Variants in STRA6 observed in about 807,000 individuals in gnomAD.
STRA6 encodes signaling receptor and transporter of retinol STRA6.
Under a neutral mutation model 83.6 loss-of-function variants are expected in STRA6, and 48 were observed. The observed-to-expected ratio is 0.57, with a 90% confidence interval of 0.46 to 0.73. The LOEUF is 0.73. Ranked by LOEUF, STRA6 falls within the 30% of genes least tolerant of loss-of-function variation. The pLI, the probability that STRA6 is intolerant of heterozygous loss-of-function variation, is 0.00. For synonymous variants in STRA6, 353 were observed against 362.3 expected, an observed-to-expected ratio of 0.97 and a Z score of 0.29; for missense variants, 760 against 838.8, an observed-to-expected ratio of 0.91 and a Z score of 1.16.
intron 8 of STRA6, among the ~76,000 whole-genome samples, chr15:74,192,261 T>A (rs1265708903): frequency 6.6e-6 from 1 of 151,740 alleles, no homozygotes; most frequent in Non-Finnish European, 1.5e-5. Flanking sequence ...GAAGAGAAGG[T>A]AAAGGGGCAT....
Position 74,195,421 on chromosome 15 carries a change from G to A in STRA6, c.478C>T (p.Pro160Ser). 6.2e-7 allele frequency: 1 copy of A among 1,613,736 alleles called. No homozygotes were observed. The highest frequency in any genetic ancestry group is 2.2e-5 in the East Asian group (1 of 44,866). The change falls in exon 7 of 19, where the codon CCT (proline) becomes TCT (serine). Residue 160 changes from proline (P) to serine (S), a missense_variant. By Grantham distance (74) the Pro-to-Ser change is moderately conservative. Coordinates refer to ENST00000395105, the MANE Select transcript of STRA6 (RefSeq NM_022369.4). ...GLFYYAALYY[P>S]LAACATAGHT... ...CCAGCCGTGGCACAGGCAGCCAGAGGGTAGTAGAGGGCAGCATAATAGAAC... is the reference window on the plus strand; with the variant it reads ...CCAGCCGTGGCACAGGCAGCCAGAGAGTAGTAGAGGGCAGCATAATAGAAC...
chr15:74,191,405 G>C lies in STRA6; in HGVS notation c.788+19C>G. The C allele has an allele frequency of 1.2e-6, 2 of 1,613,578 alleles. No homozygotes were observed. The highest frequency in any genetic ancestry group is 2.2e-5 in the South Asian group (2 of 91,074). On this transcript the variant is annotated intron_variant, in intron 9 of 18. Coordinates refer to ENST00000395105, the MANE Select transcript of STRA6 (RefSeq NM_022369.4). ...CAGCCCAATCCATTGGCCCACAAAG[G>C]GTGTGTCAGAGACCCCACCTGCTTC...
At chr15:74,202,457 C>T (rs1346876990) in intron 1 of STRA6, 175 bp from the exon 2 acceptor site, 1 of 1,536,170 alleles carries the variant, frequency 6.5e-7, no homozygotes, top group Non-Finnish European at 8.7e-7. Context: ...GACTGAGGGC[C>T]TGAGCAAGCT....
chr15:74,183,438 G>A, intron 14 of STRA6: 1 of 933,992 alleles, frequency 1.1e-6, no homozygotes, highest in Non-Finnish European at 1.4e-6. Context: ...TAGAGACGGG[G>A]TCTCACCATG....
intron 1 of STRA6, 22 bp from the exon 2 acceptor site, chr15:74,202,304 A>G: frequency 2.6e-6 from 4 of 1,564,398 alleles, no homozygotes; most frequent in Non-Finnish European, 3.4e-6. Flanking sequence ...GGCGAGAGAA[A>G]AAAAAAGCCA....
chr15:74,184,267 G>A (rs563535254), intron 13 of STRA6, among the ~76,000 whole-genome samples: 122 of 152,320 alleles, frequency 8.0e-4, no homozygotes, highest in Admixed American at 1.6e-3. Context: ...AGTGAGAATG[G>A]AAGTGACACA....
intron 2 of STRA6, among the ~76,000 whole-genome samples, chr15:74,200,907 C>T (rs188187150): frequency 3.4e-4 from 52 of 152,340 alleles, no homozygotes; most frequent in African/African-American, 1.1e-3. Flanking sequence ...CCAGCCAGTG[C>T]CCAGGCCCTG....
intron 8 of STRA6, among the ~76,000 whole-genome samples, chr15:74,192,183 T>C (rs959593172): frequency 2.0e-5 from 3 of 152,036 alleles, no homozygotes; most frequent in African/African-American, 7.3e-5. Flanking sequence ...CCAAAGAGGA[T>C]TGTACACCTC....
intron 1 of STRA6, chr15:74,208,681 A>T (rs1374031458): frequency 3.0e-6 from 3 of 983,890 alleles, no homozygotes; most frequent in Non-Finnish European, 3.6e-6. Flanking sequence ...CACTCTGCTC[A>T]CTTCCTGCCC....
upstream of STRA6, among the ~76,000 whole-genome samples, chr15:74,211,815 A>C (rs1256747706): frequency 6.6e-6 from 1 of 150,530 alleles, no homozygotes; most frequent in East Asian, 2.0e-4. Context: ...TCTGTGTCTG[A>C]CTCAGTCTCC....
chr15:74,203,877 G>A (rs968230260), upstream of STRA6, among the ~76,000 whole-genome samples: 1 of 152,038 alleles, frequency 6.6e-6, no homozygotes, highest in African/African-American at 2.4e-5. Context: ...GGGAAAGTCC[G>A]CTGAGCAGAG....
intron 7 of STRA6, chr15:74,194,986 T>C: frequency 7.0e-7 from 1 of 1,433,014 alleles, no homozygotes; most frequent in Non-Finnish European, 9.1e-7. Flanking sequence ...AAAGGGAAGC[T>C]GGGGGATCAC....
At chr15:74,181,202 C>T in intron 17 of STRA6, 93 bp downstream of exon 17, 2 of 1,556,090 alleles carry the variant, frequency 1.3e-6, no homozygotes, top group East Asian at 2.3e-5. Context: ...TCGGTGTGAA[C>T]TGATCAGCTG....
intron 7 of STRA6, chr15:74,194,909 A>T: frequency 7.0e-7 from 1 of 1,421,394 alleles, no homozygotes; most frequent in East Asian, 2.5e-5. Flanking sequence ...GCCCTCTTAG[A>T]CCATCCCTGA....
In STRA6 at chr15:74,180,216, G is replaced by A. The variant is rs946741972; in HGVS notation, c.1868C>T (p.Ser623Phe). The change falls in exon 19 of 19, where the codon TCC (serine) becomes TTC (phenylalanine). Residue 623 changes from serine (S) to phenylalanine (F), a missense_variant. Coordinates refer to ENST00000395105, the MANE Select transcript of STRA6 (RefSeq NM_022369.4). The stretch of plus-strand genomic sequence containing the variant: ...CCCGGGCCTAGCTCCCTTGGCCATG[G>A]AGTCCTTTGTCTGTAGCAGCTGCAT... ...EGMQLLQTKDSMAKGARPGAS... is the reference protein window; with the variant it reads ...EGMQLLQTKDFMAKGARPGAS... The A allele has an allele frequency of 4.3e-6, 7 of 1,614,154 alleles. No individual in the cohort carries two copies. The Admixed American group carries it at 6.7e-5, about 15-fold the overall frequency.
chr15:74,202,627 A>G, intron 1 of STRA6, 86 bp downstream of exon 1: 1 of 1,433,072 alleles, frequency 7.0e-7, no homozygotes, highest in East Asian at 2.5e-5. Flanking sequence ...CCATTTTCAA[A>G]GAAGGCTTGT....
chr15:74,187,586 C>T (rs916514534), intron 12 of STRA6, among the ~76,000 whole-genome samples: 2 of 151,990 alleles, frequency 1.3e-5, no homozygotes, highest in African/African-American at 4.8e-5. Context: ...GGTGGCAGTC[C>T]TAACAGAAGC....
In STRA6 at chr15:74,183,420, A is replaced by C. The variant is rs8035649; in HGVS notation, c.1300+436T>G. On this transcript the variant is annotated intron_variant, in intron 14 of 18. Coordinates refer to ENST00000395105, the MANE Select transcript of STRA6 (RefSeq NM_022369.4). ...ACCACCATACCCGGCTAATTTTTGTATTTTTAGTAGAGACGGGGTCTCACC... is the reference window on the plus strand; with the variant it reads ...ACCACCATACCCGGCTAATTTTTGTCTTTTTAGTAGAGACGGGGTCTCACC... 2.5e-3 allele frequency: 1,993 copies of C among 784,166 alleles called. 18 individuals carry two copies. In the African/African-American group the frequency reaches 0.03, roughly 12 times the overall value. 48.6% of individuals were successfully genotyped at this position (784,166 alleles called of 1,614,324 possible).
chr15:74,181,580 G>A, intron 16 of STRA6, 122 bp from the exon 17 acceptor site: 1 of 1,348,736 alleles, frequency 7.4e-7, no homozygotes, highest in Non-Finnish European at 1.0e-6. Flanking sequence ...TTATTGCTAT[G>A]TCTTCTGTGC....
Sources: gnomAD v4.1 joint callset for allele counts (sites outside exome capture counted in the v4.1 genomes callset) on GRCh38, gnomAD v4.1.1 for gene constraint, MANE v1.5 for transcripts, NCBI Gene and HGNC (gene_info 2026-07-23, HGNC 2026-07-21) for gene names.